The following LUC7L2 variants were observed in gnomAD, a reference collection of about 807,000 sequenced individuals.
LUC7L2 encodes putative RNA-binding protein Luc7-like 2.
A neutral mutation model predicts 52.8 loss-of-function variants in LUC7L2; 25 were observed. The ratio of observed to expected loss-of-function variants is 0.47; its 90% CI spans 0.34 to 0.66. LUC7L2 has a LOEUF of 0.66. LUC7L2 is among the 30% of genes least tolerant of loss of function. The probability of loss-of-function intolerance (pLI) is 0.01; values close to 1 mark genes in which losing one functional copy is unlikely to be tolerated. For missense variants in LUC7L2, 328 were observed against 497.8 expected (o/e 0.66, Z 3.25); for synonymous variants, 144 against 160.9 (o/e 0.89, Z 0.80).
At chr7:139,364,355 T>C (rs1800037160) in intron 1 of LUC7L2, among the ~76,000 whole-genome samples, 1 of 152,142 alleles carries the variant, frequency 6.6e-6, no homozygotes, top group South Asian at 2.1e-4. Flanking sequence ...TTCGAAAGAT[T>C]AAAATAGGCA....
chr7:139,402,425 A>C (rs956095556), intron 4 of LUC7L2, among the ~76,000 whole-genome samples, 178 bp downstream of exon 4: 2 of 152,234 alleles, frequency 1.3e-5, no homozygotes, highest in African/African-American at 4.8e-5. Context: ...ATATCAAATA[A>C]ATTGACATTG....
chr7:139,397,636 T>G (rs1434576585), intron 2 of LUC7L2, among the ~76,000 whole-genome samples: 1 of 152,234 alleles, frequency 6.6e-6, no homozygotes, highest in African/African-American at 2.4e-5. Flanking sequence ...CATCACCGAT[T>G]AATCATACCT....
chr7:139,390,108 G>T (rs1031548702), intron 2 of LUC7L2, among the ~76,000 whole-genome samples: 7 of 152,142 alleles, frequency 4.6e-5, no homozygotes, highest in Non-Finnish European at 1.0e-4. Context: ...AGCTATGATT[G>T]TGCCACTGCA....
intron 9 of LUC7L2, among the ~76,000 whole-genome samples, chr7:139,421,012 G>A (rs1186014251): frequency 6.6e-6 from 1 of 152,126 alleles, no homozygotes; most frequent in Non-Finnish European, 1.5e-5. Context: ...TGTTGGCTAG[G>A]CTGGTCTTGA....
chr7:139,357,994 A>G (rs1477102843), upstream of LUC7L2, among the ~76,000 whole-genome samples: 1 of 149,450 alleles, frequency 6.7e-6, no homozygotes, highest in East Asian at 2.0e-4. Context: ...CCGACCTCAA[A>G]AATTTTCATT....
At chr7:139,368,139 A>G (rs1455815013) in intron 1 of LUC7L2, among the ~76,000 whole-genome samples, 1 of 152,132 alleles carries the variant, frequency 6.6e-6, no homozygotes, top group Non-Finnish European at 1.5e-5. Context: ...TTATTGGTTG[A>G]TGTGCTTTAG....
At chr7:139,360,901 A>T (rs1356530633) in intron 1 of LUC7L2, among the ~76,000 whole-genome samples, 1 of 152,172 alleles carries the variant, frequency 6.6e-6, no homozygotes, top group East Asian at 1.9e-4. Context: ...GTTTGGCCCC[A>T]TTTTGTGAGA....
chr7:139,352,991 A>G (rs1220460392), intron 1 of LUC7L2, among the ~76,000 whole-genome samples: 2 of 152,142 alleles, frequency 1.3e-5, no homozygotes, highest in Non-Finnish European at 1.5e-5. Context: ...TGAGGTCAGG[A>G]GTTCGAGACC....
intron 2 of LUC7L2, among the ~76,000 whole-genome samples, chr7:139,387,126 C>T (rs1227456887): frequency 6.6e-6 from 1 of 152,230 alleles, no homozygotes; most frequent in East Asian, 1.9e-4. Context: ...AGGCATGAGC[C>T]ACCGTGCCCG....
In LUC7L2 at chr7:139,345,775, T is replaced by C. The variant is rs529497368; in HGVS notation, c.-26+5258T>C. The C allele has an allele frequency of 3.7e-5, 54 of 1,441,554 alleles. 1 individual carries two copies. The South Asian group carries it at 7.5e-4, about 20-fold the overall frequency. 89.3% of individuals were successfully genotyped at this position (1,441,554 alleles called of 1,614,324 possible). On this transcript the variant is annotated intron_variant, in intron 1 of 10. Coordinates refer to the LUC7L2 transcript ENST00000541170. ...AATTTCTATCAATATGTATTTATCATTAAATTTTTTTTAAGTTTAAGGTTT... is the reference window on the plus strand; with the variant it reads ...AATTTCTATCAATATGTATTTATCACTAAATTTTTTTTAAGTTTAAGGTTT...
intron 1 of LUC7L2, among the ~76,000 whole-genome samples, chr7:139,347,502 G>C (rs1799307384): frequency 6.6e-6 from 1 of 151,770 alleles, no homozygotes. Flanking sequence ...CAGGAGAATC[G>C]CTTGAACCCA....
Position 139,382,796 on chromosome 7 carries a change from C to T in LUC7L2, c.156+6640C>T, listed in dbSNP as rs111242754. On this transcript the variant is annotated intron_variant, in intron 2 of 9. Coordinates refer to ENST00000354926, the MANE Select transcript of LUC7L2 (RefSeq NM_016019.5). ...AATTTTATGTTGCCCCAGTAGGTTC[C>T]GGGTTTTATCCCAGGTGCACCTTTT... is the stretch of plus-strand genomic sequence containing the variant. 6.6e-4 allele frequency among the ~76,000 whole-genome samples: 100 copies of T among 152,276 alleles called. 1 individual carries two copies. The highest frequency in any genetic ancestry group is 5.2e-4 in the Admixed American group (8 of 15,292).
intron 6 of LUC7L2, among the ~76,000 whole-genome samples, chr7:139,409,314 A>C (rs1276491240): frequency 5.6e-5 from 8 of 142,440 alleles, no homozygotes; most frequent in Admixed American, 1.4e-4. Context: ...AAAAAAAAAC[A>C]AAAAAAAAAA....
At chr7:139,393,005 G>A (rs1460234485) in intron 2 of LUC7L2, among the ~76,000 whole-genome samples, 2 of 151,130 alleles carry the variant, frequency 1.3e-5, no homozygotes, top group Non-Finnish European at 3.0e-5. Flanking sequence ...GGTGGCTCAC[G>A]CCTGTAATCC....
At chr7:139,397,329 A>G (rs1057223429) in intron 2 of LUC7L2, among the ~76,000 whole-genome samples, 5 of 152,212 alleles carry the variant, frequency 3.3e-5, no homozygotes, top group African/African-American at 1.2e-4. Flanking sequence ...ACTCATCCCA[A>G]GTAGGCCCCC....
intron 7 of LUC7L2, among the ~76,000 whole-genome samples, chr7:139,411,386 T>A (rs73468515): frequency 0.023 from 3,557 of 152,314 alleles, 149 homozygotes; most frequent in African/African-American, 0.08. Context: ...TGGGTGCTTA[T>A]TGTATGCCAG....
chr7:139,378,158 T>A (rs949766672), intron 2 of LUC7L2, among the ~76,000 whole-genome samples: 4 of 152,108 alleles, frequency 2.6e-5, no homozygotes, highest in African/African-American at 9.7e-5. Flanking sequence ...TTTTCGTAAT[T>A]ATTTTATACC....
chr7:139,350,969 T>C (rs548526526), intron 1 of LUC7L2, among the ~76,000 whole-genome samples: 99 of 152,262 alleles, frequency 6.5e-4, no homozygotes, highest in Admixed American at 2.0e-3. Flanking sequence ...CCACTGCGCC[T>C]GGCCCACATT....
chr7:139,414,967 A>G (rs1442401589), intron 8 of LUC7L2, among the ~76,000 whole-genome samples: 1 of 150,744 alleles, frequency 6.6e-6, no homozygotes, highest in Non-Finnish European at 1.5e-5. Context: ...GCTCACTGCA[A>G]CCTCCGCCTC....
Sources: allele counts gnomAD v4.1 joint callset (sites outside exome capture counted in the v4.1 genomes callset), GRCh38; gene constraint gnomAD v4.1.1; transcripts MANE v1.5; gene names NCBI Gene and HGNC (gene_info 2026-07-23, HGNC 2026-07-21).